The following KIAA0825 variants were observed in gnomAD, a reference collection of about 807,000 sequenced individuals.
The protein encoded by KIAA0825 is uncharacterized protein KIAA0825.
A neutral mutation model predicts 147.6 loss-of-function variants in KIAA0825; 119 were observed. The ratio of observed to expected loss-of-function variants is 0.81; its 90% confidence interval spans 0.69 to 0.94. The LOEUF (loss-of-function observed/expected upper bound fraction) is 0.94, where lower values mean the gene tolerates loss of function less well. Among genes scored for constraint, KIAA0825 ranks in the 40% least tolerant of loss-of-function variants. The pLI is 0.00. For missense variants in KIAA0825, 1,381 were observed against 1,472.7 expected (o/e 0.94, Z 1.02); for synonymous variants, 470 against 518.1 (o/e 0.91, Z 1.26).
intron 20 of KIAA0825, among the ~76,000 whole-genome samples, chr5:94,185,072 T>A (rs1355832185): frequency 1.3e-5 from 2 of 152,210 alleles, no homozygotes; most frequent in Non-Finnish European, 2.9e-5. Context: ...TTGTCTTTCA[T>A]GTCAGTCTTC....
intron 2 of KIAA0825, chr5:94,569,281 C>A (rs1267801439): frequency 1.0e-5 from 3 of 286,440 alleles, no homozygotes; most frequent in Non-Finnish European, 1.3e-5. Context: ...AACCATTATA[C>A]CCCCTAAATA....
intron 1 of KIAA0825, among the ~76,000 whole-genome samples, chr5:94,597,308 A>G (rs1466849071): frequency 6.6e-6 from 1 of 152,184 alleles, no homozygotes; most frequent in Non-Finnish European, 1.5e-5. Context: ...GAATATAATC[A>G]TAAAACATAT....
In KIAA0825 at chr5:94,552,064, A is replaced by AAG. The variant is rs1229332444; in HGVS notation, c.-1-14939_-1-14938dup. On this transcript the variant is annotated intron_variant, in intron 2 of 20. Coordinates refer to ENST00000682413, the MANE Select transcript of KIAA0825 (RefSeq NM_001145678.3). Reference sequence around the variant, plus strand: ...TGTAAAGACACACAGACTGAAAGTGAAGAGATGGAAAAAGATATTCCACAC... The same window carrying AAG: ...TGTAAAGACACACAGACTGAAAGTGAAGAGAGATGGAAAAAGATATTCCACAC... Among the ~76,000 whole-genome samples the AAG allele has an allele frequency of 3.3e-5, 5 of 152,098 alleles. 1 individual carries two copies. Among genetic ancestry groups the AAG allele is most frequent in the African/African-American group, 1.2e-4 (5 of 41,416 alleles).
chr5:94,568,455 A>T (rs1779176224), intron 2 of KIAA0825: 1 of 153,126 alleles, frequency 6.5e-6, no homozygotes, highest in Non-Finnish European at 1.5e-5. Context: ...ACCCTAACCA[A>T]CATCAACGAA....
At chr5:94,439,089 G>A (rs1033378893) in intron 14 of KIAA0825, among the ~76,000 whole-genome samples, 1 of 152,116 alleles carries the variant, frequency 6.6e-6, no homozygotes, top group Non-Finnish European at 1.5e-5. Context: ...TTGGGGCTTT[G>A]GGGACAACAA....
At position 94,484,820 on chromosome 5, in the gene KIAA0825, C is replaced by A. The variant is rs773844639; in HGVS notation, c.1081G>T (p.Glu361Ter). 6.5e-7 allele frequency: 1 copy of A among 1,528,566 alleles called. No individual in the cohort carries two copies. The highest frequency in any genetic ancestry group is 8.8e-7 in the Non-Finnish European group (1 of 1,131,248). 94.7% of individuals were successfully genotyped at this position (1,528,566 alleles called of 1,614,324 possible). A position where few individuals can be genotyped will look rare whatever the true frequency, so the allele number is the denominator to read the frequency against. The part of the protein sequence containing the change: ...SFMKLEKGVQ[E>*]LFDEILLSLK... ...GATAAAAGTATTTCGTCAAACAATT[C>A]TTGAACACCTTTTTCCAGTTTCATA... The change falls in exon 6 of 21, where the codon GAA (glutamate) becomes TAA (stop). Residue 361 changes from glutamate (E) to a stop codon, truncating the protein, a stop_gained. Coordinates refer to ENST00000682413, the MANE Select transcript of KIAA0825 (RefSeq NM_001145678.3). LOFTEE classifies it high-confidence loss of function.
intron 20 of KIAA0825, among the ~76,000 whole-genome samples, chr5:94,243,956 T>G (rs1046101660): frequency 2.0e-5 from 3 of 152,206 alleles, no homozygotes; most frequent in Non-Finnish European, 4.4e-5. Flanking sequence ...GATATTTCAC[T>G]ATCTTTCTGC....
Position 94,359,697 on chromosome 5 carries a change from T to G in KIAA0825, c.3710+24671A>C, listed in dbSNP as rs79533143. 1.1e-3 allele frequency among the ~76,000 whole-genome samples: 171 copies of G among 152,370 alleles called. 1 individual carries two copies. Among genetic ancestry groups the G allele is most frequent in the African/African-American group, 4.0e-3 (167 of 41,598 alleles). ...CTCAACTACCTATTAGCTCTCTGACTTCAGTAAGTCCCTCAAAACAAATGT... is the reference window on the plus strand; with the variant it reads ...CTCAACTACCTATTAGCTCTCTGACGTCAGTAAGTCCCTCAAAACAAATGT... On this transcript the variant is annotated intron_variant, in intron 20 of 20. Transcript: ENST00000682413.
At chr5:94,230,174 G>A (rs1312823976) in intron 20 of KIAA0825, among the ~76,000 whole-genome samples, 1 of 152,092 alleles carries the variant, frequency 6.6e-6, no homozygotes, top group Non-Finnish European at 1.5e-5. Flanking sequence ...GGGCTGTTTG[G>A]TTTCTCCAGA....
At chr5:94,501,854 G>C (rs1003673615) in intron 5 of KIAA0825, among the ~76,000 whole-genome samples, 2 of 152,036 alleles carry the variant, frequency 1.3e-5, no homozygotes, top group African/African-American at 4.8e-5. Context: ...AGTATACAAA[G>C]AAAAGAAACT....
rs942733999 is a variant in KIAA0825, at chr5:94,427,434, G to T, written c.2498-10069C>A. ...ACCTGAAGTCCTAGCTACTTTGGAGGCTGACGTGCAAGGATTGCTTGAGCC... is the reference window on the plus strand; with the variant it reads ...ACCTGAAGTCCTAGCTACTTTGGAGTCTGACGTGCAAGGATTGCTTGAGCC... On this transcript the variant is annotated intron_variant, in intron 14 of 20. Coordinates refer to ENST00000682413, the MANE Select transcript of KIAA0825 (RefSeq NM_001145678.3). Among the ~76,000 whole-genome samples, 6 of 152,120 alleles carry T rather than the reference G, an allele frequency of 3.9e-5. No individual in the cohort carries two copies. In the South Asian group the frequency reaches 1.2e-3, roughly 31 times the overall value.
chr5:94,602,299 C>T (rs1359756083), intron 1 of KIAA0825, among the ~76,000 whole-genome samples: 4 of 151,514 alleles, frequency 2.6e-5, no homozygotes, highest in African/African-American at 7.3e-5. Flanking sequence ...TGCAGTGAGC[C>T]GAGATCGTGC....
intron 20 of KIAA0825, among the ~76,000 whole-genome samples, chr5:94,359,646 G>T (rs1744796161): frequency 6.6e-6 from 1 of 152,156 alleles, no homozygotes; most frequent in South Asian, 2.1e-4. Flanking sequence ...GGACCATGAG[G>T]CAGAGACCGT....
intron 20 of KIAA0825, among the ~76,000 whole-genome samples, chr5:94,181,008 T>A (rs545493349): frequency 1.2e-4 from 18 of 152,324 alleles, no homozygotes; most frequent in Admixed American, 7.8e-4. Flanking sequence ...GGTTTACTGA[T>A]ACACTGTTTT....
chr5:94,173,963 T>C (rs1768867850), intron 20 of KIAA0825, among the ~76,000 whole-genome samples: 1 of 152,184 alleles, frequency 6.6e-6, no homozygotes, highest in Admixed American at 6.6e-5. Flanking sequence ...TTATGGCCCT[T>C]AGGCAAGCTG....
intron 14 of KIAA0825, 131 bp from the exon 15 acceptor site, chr5:94,417,496 A>T (rs1183037745): frequency 3.0e-6 from 2 of 668,114 alleles, no homozygotes; most frequent in East Asian, 2.8e-5. Flanking sequence ...ATAAAAAGAG[A>T]ATTACCAGAT....
chr5:94,449,479 T>G (rs1261603862), intron 13 of KIAA0825, among the ~76,000 whole-genome samples: 3 of 151,998 alleles, frequency 2.0e-5, no homozygotes, highest in Admixed American at 6.6e-5. Context: ...AAGAAAAGGC[T>G]CAACATGGAA....
intron 20 of KIAA0825, among the ~76,000 whole-genome samples, chr5:94,194,419 C>T (rs1053032701): frequency 6.6e-6 from 1 of 152,134 alleles, no homozygotes; most frequent in African/African-American, 2.4e-5. Context: ...TAACTATCAC[C>T]ATGAGGCCAG....
intron 5 of KIAA0825, among the ~76,000 whole-genome samples, chr5:94,499,629 C>T (rs1445203475): frequency 6.6e-6 from 1 of 150,630 alleles, no homozygotes; most frequent in African/African-American, 2.4e-5. Flanking sequence ...CTGGAATCCC[C>T]ATTAATCTTA....
Sources: allele counts gnomAD v4.1 joint callset (sites outside exome capture counted in the v4.1 genomes callset), GRCh38; gene constraint gnomAD v4.1.1; transcripts MANE v1.5; gene names NCBI Gene and HGNC (gene_info 2026-07-23, HGNC 2026-07-21).